The following HERC6 variants were observed in gnomAD, a reference collection of about 807,000 sequenced individuals.
HERC6 encodes the protein HECT and RLD domain containing E3 ubiquitin protein ligase family member 6.
HERC6 carries 101 observed loss-of-function variants against 114.5 expected under a neutral mutation model. The observed-to-expected ratio is 0.88, with a 90% CI of 0.75 to 1.04. The LOEUF is 1.04. Ranked by LOEUF, HERC6 falls within the 50% of genes least tolerant of loss-of-function variation. HERC6 has a pLI of 0.00. For synonymous variants in HERC6, 408 were observed against 436.2 expected, an observed-to-expected ratio of 0.94 and a Z score of 0.81; for missense variants, 1,133 against 1,230.9, an observed-to-expected ratio of 0.92 and a Z score of 1.19.
At chr4:88,424,728 G>T in intron 15 of HERC6, 26 bp downstream of exon 15, 1 of 1,384,270 alleles carries the variant, frequency 7.2e-7, no homozygotes, top group South Asian at 1.3e-5. Context: ...TTTTTAGTAT[G>T]AAAAATTTCA....
Position 88,404,951 on chromosome 4 carries a change from TG to T in HERC6, c.1170del (p.Trp390Ter), listed in dbSNP as rs1735748848. The T allele has an allele frequency of 3.7e-6, 6 of 1,613,690 alleles. No homozygotes were observed. Among genetic ancestry groups the T allele is most frequent in the Non-Finnish European group, 5.1e-6 (6 of 1,179,774 alleles). ...SRISQSMAEK[W>X]IAVKRRSTEH... ...AATTAGCCAGTCCATGGCAGAAAAA[TG>T]GATAGCAGTGAAAAGAAGAAGTACT... On this transcript the variant is annotated frameshift_variant, in exon 9 of 23. Transcript: ENST00000264346. LOFTEE classifies it high-confidence loss of function.
At chr4:88,379,838 A>C (rs1486223453) in intron 1 of HERC6, among the ~76,000 whole-genome samples, 3 of 76,308 alleles carry the variant, frequency 3.9e-5, no homozygotes, top group Non-Finnish European at 6.8e-5. Context: ...AAATATATAT[A>C]ATATATAAAT....
At chr4:88,439,848 T>TA in intron 20 of HERC6, 26 bp from the exon 21 acceptor site, 3 of 1,240,456 alleles carry the variant, frequency 2.4e-6, no homozygotes, top group Non-Finnish European at 2.1e-6. Flanking sequence ...CTTTCTTTTT[T>TA]TTTTTTTTTT....
At position 88,418,742 on chromosome 4, in the gene HERC6, C is replaced by T. The variant is rs868771429; in HGVS notation, c.1713+1163C>T. Among the ~76,000 whole-genome samples the T allele has an allele frequency of 4.6e-5, 7 of 152,128 alleles. No homozygotes were observed. In the South Asian group the frequency reaches 1.0e-3, roughly 23 times the overall value. ...ATTTTTTTGTTTGTTTGTTTGTTTG[C>T]TTGAGACAGAGTCTAGCCCTGTTGC... is the stretch of plus-strand genomic sequence containing the variant. On this transcript the variant is annotated intron_variant, in intron 13 of 22. Coordinates refer to ENST00000264346, the MANE Select transcript of HERC6 (RefSeq NM_017912.4).
rs779485312 is a variant in HERC6 at position 88,405,563 on chromosome 4, AATG to A, written c.1227_1229del (p.Met409del). 3.2e-6 allele frequency: 5 copies of A among 1,541,886 alleles called. No individual in the cohort carries two copies. The African/African-American group carries it at 5.5e-5, about 17-fold the overall frequency. On this transcript the variant is annotated inframe_deletion, in exon 10 of 23. Transcript: ENST00000264346. ...GTTATTACTTTTACAGTGAAATTAG[AATG>A]ATATTTTCATCTCCTGCTTGTCTGA... is the stretch of plus-strand genomic sequence containing the variant.
chr4:88,393,524 A>G lies in HERC6; in HGVS notation c.701A>G (p.Lys234Arg). The G allele has an allele frequency of 6.2e-7, 1 of 1,612,792 alleles. No homozygotes were observed. Residue 234 changes from lysine (K) to arginine (R), a missense_variant, in exon 5 of 23, where the codon AAG becomes AGG. Physicochemically the swap from Lys to Arg is conservative, Grantham distance 26. Around this residue, in one of 3 missense-constraint regions of HERC6, gnomAD observed 735 missense variants for 754.0 expected, o/e 0.97. Coordinates refer to ENST00000264346, the MANE Select transcript of HERC6 (RefSeq NM_017912.4). ...SNKPLSVGAL[K>R]NLGVVYISCG... is the part of the protein sequence containing the mutation. ...AAGCCTCTCTCAGTCGGTGCACTGA[A>G]GAATCTAGGTGTGGTTTATATCAGC...
chr4:88,389,935 G>A (rs1241631624), intron 3 of HERC6, among the ~76,000 whole-genome samples: 1 of 151,964 alleles, frequency 6.6e-6, no homozygotes, highest in Non-Finnish European at 1.5e-5. Flanking sequence ...CCAACACTTT[G>A]GGAGGCTGAG....
At chr4:88,401,867 A>G (rs1013023863) in intron 8 of HERC6, among the ~76,000 whole-genome samples, 5 of 152,252 alleles carry the variant, frequency 3.3e-5, no homozygotes, top group African/African-American at 1.2e-4. Flanking sequence ...TCATAGACTT[A>G]AAGTGAAATC....
intron 1 of HERC6, 47 bp from the exon 2 acceptor site, chr4:88,383,174 A>C: frequency 6.3e-7 from 1 of 1,581,118 alleles, no homozygotes; most frequent in South Asian, 1.2e-5. Context: ...TGTTAAATTA[A>C]TAATCTGCAG....
At chr4:88,384,794 C>T (rs1405440655) in intron 2 of HERC6, among the ~76,000 whole-genome samples, 2 of 151,894 alleles carry the variant, frequency 1.3e-5, no homozygotes, top group African/African-American at 2.4e-5. Flanking sequence ...CCAAGGTGGG[C>T]GGATCACCTG....
At chr4:88,414,610 G>A (rs1240385327) in intron 12 of HERC6, among the ~76,000 whole-genome samples, 2 of 152,156 alleles carry the variant, frequency 1.3e-5, no homozygotes, top group African/African-American at 4.8e-5. Context: ...TCTTGATTAT[G>A]TGCTGAAGAA....
chr4:88,413,121 C>T lies in HERC6; in HGVS notation c.1413C>T (p.Cys471=). Residue 471 remains cysteine (C), a synonymous_variant, in exon 12 of 23, where the codon TGC becomes TGT. Transcript: ENST00000264346. ...ATGATCTGCTCAGAGCTCTTCCATG[C>T]CATTCTCCACACCAAGAAGCTTTAT... ...LEDDLLRALP[C]HSPHQEALSV... 1 of 1,613,372 alleles carries T rather than the reference C, an allele frequency of 6.2e-7. No individual in the cohort carries two copies. The highest frequency in any genetic ancestry group is 1.1e-5 in the South Asian group (1 of 91,038).
At chr4:88,412,747 C>T (rs899188513) in intron 11 of HERC6, among the ~76,000 whole-genome samples, 1 of 152,188 alleles carries the variant, frequency 6.6e-6, no homozygotes, top group Non-Finnish European at 1.5e-5. Context: ...AGGAGGAATA[C>T]TAATGTGACC....
chr4:88,437,205 C>T (rs1242323170), intron 19 of HERC6, among the ~76,000 whole-genome samples: 2 of 151,762 alleles, frequency 1.3e-5, no homozygotes, highest in Non-Finnish European at 2.9e-5. Flanking sequence ...TATGGGCATG[C>T]GACACCATGC....
intron 13 of HERC6, among the ~76,000 whole-genome samples, chr4:88,420,385 T>C (rs1736910548): frequency 6.6e-6 from 1 of 152,222 alleles, no homozygotes; most frequent in Non-Finnish European, 1.5e-5. Context: ...AAATTCCATT[T>C]GTCGGGCTTT....
At chr4:88,426,662 G>A (rs1038337409) in intron 15 of HERC6, among the ~76,000 whole-genome samples, 2 of 151,136 alleles carry the variant, frequency 1.3e-5, no homozygotes, top group African/African-American at 4.9e-5. Flanking sequence ...TTTTAGTAGA[G>A]ACGGGGTTTC....
intron 3 of HERC6, among the ~76,000 whole-genome samples, chr4:88,390,202 G>C (rs975314019): frequency 5.1e-5 from 5 of 97,148 alleles, no homozygotes; most frequent in Non-Finnish European, 8.4e-5. Context: ...AAAAAAAAAA[G>C]AAAGTCAAAC....
intron 20 of HERC6, 50 bp from the exon 21 acceptor site, chr4:88,439,819 ATCATT>A (rs1739147163): frequency 2.9e-6 from 4 of 1,362,018 alleles, no homozygotes; most frequent in Non-Finnish European, 3.8e-6. Context: ...AAATCTTTTA[ATCATT>A]GGCCTTTTCC....
Position 88,398,160 on chromosome 4 carries a change from T to C in HERC6, c.1043T>C (p.Val348Ala). Reference protein sequence around the residue: ...ISAEDFVDVQVKHIFAGTYAN... With the variant: ...ISAEDFVDVQAKHIFAGTYAN... The stretch of plus-strand genomic sequence containing the variant: ...CTTTTAGACTTCGTGGATGTTCAAG[T>C]CAAACACATTTTTGCTGGAACATAT... The change falls in exon 8 of 23, where the codon GTC becomes GCC. Residue 348 changes from valine (V) to alanine (A), a missense_variant. By Grantham distance (64) the Val-to-Ala change is moderately conservative. Transcript: ENST00000264346. 2 of 1,597,362 alleles carry C rather than the reference T, an allele frequency of 1.3e-6. No homozygotes were observed. Among genetic ancestry groups the C allele is most frequent in the Non-Finnish European group, 1.7e-6 (2 of 1,171,914 alleles).
Sources: allele counts gnomAD v4.1 joint callset (sites outside exome capture counted in the v4.1 genomes callset), GRCh38; gene constraint gnomAD v4.1.1; regional missense constraint gnomAD v4.1.1; transcripts MANE v1.5; gene names NCBI Gene and HGNC (gene_info 2026-07-23, HGNC 2026-07-21).